The following FREM2 variants were observed in gnomAD, a reference collection of about 807,000 sequenced individuals.
FREM2 encodes the protein FRAS1-related extracellular matrix protein 2.
Under a neutral mutation model 219.9 loss-of-function variants are expected in FREM2, and 119 were observed. The ratio of observed to expected loss-of-function variants is 0.54; its 90% confidence interval spans 0.47 to 0.63. The LOEUF is 0.63. Among genes scored for constraint, FREM2 ranks in the 30% least tolerant of loss-of-function variants. The pLI is 0.00. For synonymous variants in FREM2, 1,562 were observed against 1,522.8 expected (o/e 1.03, Z -0.60); for missense variants, 4,030 against 3,993.6 (o/e 1.01, Z -0.25).
intron 2 of FREM2, among the ~76,000 whole-genome samples, chr13:38,722,234 A>G (rs529489742): frequency 1.2e-4 from 18 of 151,944 alleles, no homozygotes; most frequent in Admixed American, 1.2e-3. Flanking sequence ...AAAACAAAAA[A>G]ATTAATACAG....
In FREM2 at chr13:38,807,891, G is replaced by T. The variant is rs543746060; in HGVS notation, c.6019+23083G>T. Among the ~76,000 whole-genome samples, 5 of 152,078 alleles carry T rather than the reference G, an allele frequency of 3.3e-5. No homozygotes were observed. In the East Asian group the frequency reaches 8.0e-4, roughly 24 times the overall value. Reference sequence around the variant, plus strand: ...AGCTGCATTAGCCCCTAATAAGAGAGTCAGGCTTTCCGTTGAAGCTTTGAA... The same window carrying T: ...AGCTGCATTAGCCCCTAATAAGAGATTCAGGCTTTCCGTTGAAGCTTTGAA... On this transcript the variant is annotated intron_variant, in intron 6 of 23. Transcript: ENST00000280481.
At chr13:38,801,516 A>G (rs1240237682) in intron 6 of FREM2, among the ~76,000 whole-genome samples, 1 of 152,046 alleles carries the variant, frequency 6.6e-6, no homozygotes, top group Non-Finnish European at 1.5e-5. Context: ...CGATCTATAT[A>G]TGGTTTTGGT....
At chr13:38,697,650 C>A in intron 1 of FREM2, 48 bp from the exon 2 acceptor site, 1 of 1,068,498 alleles carries the variant, frequency 9.4e-7, no homozygotes, top group South Asian at 1.3e-5. Context: ...AATGAATCAT[C>A]AATTTTACTC....
At chr13:38,768,730 C>A (rs1246469758) in intron 3 of FREM2, among the ~76,000 whole-genome samples, 1 of 152,074 alleles carries the variant, frequency 6.6e-6, no homozygotes, top group Non-Finnish European at 1.5e-5. Flanking sequence ...AGTACCATTG[C>A]CGTTTTATAA....
intron 20 of FREM2, 106 bp from the exon 21 acceptor site, chr13:38,877,011 T>G: frequency 7.9e-7 from 1 of 1,263,502 alleles, no homozygotes; most frequent in Non-Finnish European, 1.2e-6. Flanking sequence ...TGCGATGCAG[T>G]GTTTAGTGTT....
chr13:38,849,947 C>A, intron 8 of FREM2, 91 bp from the exon 9 acceptor site: 1 of 1,038,404 alleles, frequency 9.6e-7, no homozygotes, highest in Non-Finnish European at 1.5e-6. Flanking sequence ...TTCTCACTTA[C>A]TTTCCATTAT....
chr13:38,796,168 C>A (rs1185925118), intron 6 of FREM2, among the ~76,000 whole-genome samples: 1 of 151,938 alleles, frequency 6.6e-6, no homozygotes, highest in African/African-American at 2.4e-5. Context: ...ACTGTTGTAC[C>A]CTGGCTACCA....
At chr13:38,759,236 C>T (rs1873134944) in intron 2 of FREM2, among the ~76,000 whole-genome samples, 1 of 152,056 alleles carries the variant, frequency 6.6e-6, no homozygotes, top group Admixed American at 6.6e-5. Context: ...TTTTACCAAG[C>T]TAGAAATTAC....
In FREM2 at chr13:38,859,455, T is replaced by G; in HGVS notation, c.7384T>G (p.Ser2462Ala). The G allele has an allele frequency of 6.2e-7, 1 of 1,614,116 alleles. No individual in the cohort carries two copies. Among genetic ancestry groups the G allele is most frequent in the Non-Finnish European group, 8.5e-7 (1 of 1,180,006 alleles). ...EVDFDTFFTS[S>A]KMVTLDSIYF... ...GGACTTCGACACCTTTTTTACGTCATCCAAGATGGTCACACTGGACTCCAT... is the reference window on the plus strand; with the variant it reads ...GGACTTCGACACCTTTTTTACGTCAGCCAAGATGGTCACACTGGACTCCAT... Residue 2462 changes from serine (S) to alanine (A), a missense_variant, in exon 14 of 24, where the codon TCC becomes GCC. Ser to Ala is a moderately conservative substitution (Grantham distance 99). This residue lies in a region of FREM2 where 928 missense variants were observed against 1,042.9 expected (regional missense o/e 0.89). Transcript: ENST00000280481.
chr13:38,720,334 A>G (rs1169777637), intron 2 of FREM2, among the ~76,000 whole-genome samples: 1 of 152,236 alleles, frequency 6.6e-6, no homozygotes, highest in East Asian at 1.9e-4. Flanking sequence ...GTTTATCTAC[A>G]GAGACTGACA....
chr13:38,851,265 G>A (rs966097636), intron 10 of FREM2, among the ~76,000 whole-genome samples, 157 bp downstream of exon 10: 4 of 152,108 alleles, frequency 2.6e-5, no homozygotes, highest in African/African-American at 9.7e-5. Flanking sequence ...AACAAATGGG[G>A]AACAAAATAA....
intron 11 of FREM2, 81 bp from the exon 12 acceptor site, chr13:38,856,045 T>TAAAAAAAAA (rs34182165): frequency 2.3e-5 from 14 of 602,266 alleles, no homozygotes; most frequent in Non-Finnish European, 2.4e-5. Context: ...TAGGCCACAG[T>TAAAAAAAAA]AAAAAAAAAA....
At chr13:38,766,454 A>T (rs1873439938) in intron 3 of FREM2, among the ~76,000 whole-genome samples, 1 of 152,194 alleles carries the variant, frequency 6.6e-6, no homozygotes, top group Admixed American at 6.5e-5. Context: ...ATGGTAACGG[A>T]ATTCATGCTA....
intron 16 of FREM2, among the ~76,000 whole-genome samples, chr13:38,864,878 A>T (rs1877903406): frequency 6.6e-6 from 1 of 152,204 alleles, no homozygotes; most frequent in Non-Finnish European, 1.5e-5. Context: ...TAAGCTCAAA[A>T]TCTACTCTGA....
intron 2 of FREM2, among the ~76,000 whole-genome samples, chr13:38,714,304 G>A (rs1024483763): frequency 6.6e-6 from 1 of 152,174 alleles, no homozygotes; most frequent in African/African-American, 2.4e-5. Context: ...ACAGGGCATG[G>A]GGCTACAAGA....
chr13:38,854,793 C>T (rs1361950868), intron 11 of FREM2, among the ~76,000 whole-genome samples: 1 of 151,998 alleles, frequency 6.6e-6, no homozygotes, highest in Non-Finnish European at 1.5e-5. Context: ...GAAAATTGCT[C>T]CTCGTACCTG....
intron 2 of FREM2, among the ~76,000 whole-genome samples, chr13:38,740,512 C>G (rs1872200175): frequency 2.6e-5 from 4 of 152,170 alleles, no homozygotes; most frequent in Admixed American, 2.6e-4. Context: ...TCATGTTGCT[C>G]TCTCTCTTAT....
At chr13:38,846,516 G>C (rs922601877) in intron 6 of FREM2, 57 bp from the exon 7 acceptor site, 151 of 1,560,926 alleles carry the variant, frequency 9.7e-5, no homozygotes, top group Non-Finnish European at 9.4e-5. Context: ...CATGTCAATA[G>C]AGTTTGATGT....
chr13:38,769,578 G>A lies in FREM2; in HGVS notation c.5411G>A (p.Ser1804Asn). The change falls in exon 4 of 24, where the codon AGT becomes AAT. Residue 1804 changes from serine (S) to asparagine (N), a missense_variant and splice_region_variant. By Grantham distance (46) the Ser-to-Asn change is conservative. This residue lies in a region of FREM2 where 3,102 missense variants were observed against 2,950.7 expected (regional missense o/e 1.05). Coordinates refer to ENST00000280481, the MANE Select transcript of FREM2 (RefSeq NM_207361.6). ...AAAATGATATTATGTTTTTGTGAAGGTATTGGCACAAGAGACAGAACTGCA... is the reference window on the plus strand; with the variant it reads ...AAAATGATATTATGTTTTTGTGAAGATATTGGCACAAGAGACAGAACTGCA... ...RGYLGETSFI[S>N]IGTRDRTAEK... 1 of 1,609,120 alleles carries A rather than the reference G, an allele frequency of 6.2e-7. No individual in the cohort carries two copies. The highest frequency in any genetic ancestry group is 1.7e-4 in the Middle Eastern group (1 of 6,056).
Sources: allele counts gnomAD v4.1 joint callset (sites outside exome capture counted in the v4.1 genomes callset), GRCh38; gene constraint gnomAD v4.1.1; regional missense constraint gnomAD v4.1.1; transcripts MANE v1.5; gene names NCBI Gene and HGNC (gene_info 2026-07-23, HGNC 2026-07-21).